The following PDZRN3 variants were observed in gnomAD, a reference collection of about 807,000 sequenced individuals.
PDZRN3 encodes PDZ domain containing ring finger 3, also known as E3 ubiquitin-protein ligase PDZRN3.
A neutral mutation model predicts 85.7 loss-of-function variants in PDZRN3; 38 were observed. That is an observed-to-expected ratio of 0.44 (90% CI 0.34 to 0.58). PDZRN3 has a LOEUF of 0.58. PDZRN3 is among the 20% of genes least tolerant of loss of function. PDZRN3 has a pLI of 0.01. For synonymous variants in PDZRN3, 759 were observed against 638.0 expected (o/e 1.19, Z -2.86); for missense variants, 1,629 against 1,506.4 (o/e 1.08, Z -1.35).
At position 73,624,832 on chromosome 3, in the gene PDZRN3, G is replaced by C. The variant is rs1306730134; in HGVS notation, c.-7C>G. 2 of 1,300,812 alleles carry C rather than the reference G, an allele frequency of 1.5e-6. No individual in the cohort carries two copies. The highest frequency in any genetic ancestry group is 6.1e-5 in the East Asian group (2 of 33,020). The allele number at this position is 1,300,812 out of a possible 1,614,324, so 80.6% of individuals were successfully genotyped here. On this transcript the variant is annotated 5_prime_UTR_variant, in exon 1 of 10. Coordinates refer to ENST00000263666, the MANE Select transcript of PDZRN3 (RefSeq NM_015009.3). The stretch of plus-strand genomic sequence containing the variant: ...GGTCCAGCTCGAAGCCCATGGTGGC[G>C]GCCAGGCCCCGGGGTCGCCGCCGGG...
At chr3:73,442,819 C>G (rs1298575314) in intron 3 of PDZRN3, among the ~76,000 whole-genome samples, 1 of 151,862 alleles carries the variant, frequency 6.6e-6, no homozygotes, top group Non-Finnish European at 1.5e-5. Context: ...GGTATGTGGT[C>G]CCCCCATGCC....
chr3:73,411,929 C>T (rs1335484369), intron 3 of PDZRN3, among the ~76,000 whole-genome samples: 3 of 152,202 alleles, frequency 2.0e-5, no homozygotes, highest in Non-Finnish European at 2.9e-5. Flanking sequence ...TATATTTACT[C>T]ATGTAATCCT....
At chr3:73,483,276 T>C (rs1331872230) in intron 3 of PDZRN3, among the ~76,000 whole-genome samples, 1 of 152,160 alleles carries the variant, frequency 6.6e-6, no homozygotes, top group African/African-American at 2.4e-5. Flanking sequence ...TGAACTTGCT[T>C]TTTCCCCATT....
At chr3:73,478,377 C>CTT (rs1703498866) in intron 3 of PDZRN3, among the ~76,000 whole-genome samples, 1 of 152,088 alleles carries the variant, frequency 6.6e-6, no homozygotes, top group Non-Finnish European at 1.5e-5. Context: ...GCAAACTCTG[C>CTT]TTAAGAGGGA....
chr3:73,443,345 T>G (rs574295630), intron 3 of PDZRN3, among the ~76,000 whole-genome samples: 1 of 152,212 alleles, frequency 6.6e-6, no homozygotes, highest in South Asian at 2.1e-4. Context: ...TTTGGAGTCA[T>G]TGGCCTGGGT....
At position 73,524,639 on chromosome 3, in the gene PDZRN3, A is replaced by AT. The variant is rs879835062; in HGVS notation, c.918+77714dup. Among the ~76,000 whole-genome samples the AT allele has an allele frequency of 8.1e-3, 1,226 of 150,876 alleles. 14 individuals are homozygous for AT. Among genetic ancestry groups the AT allele is most frequent in the Admixed American group, 8.3e-3 (125 of 15,132 alleles). On this transcript the variant is annotated intron_variant, in intron 3 of 9. Transcript: ENST00000263666. ...AGATCAACAATTTCTAATAAAAGAG[A>AT]TTTTTTTTTTCCTAGACGGGGCTAC... is the stretch of plus-strand genomic sequence containing the variant.
At chr3:73,526,764 T>C (rs1704534359) in intron 3 of PDZRN3, among the ~76,000 whole-genome samples, 1 of 152,188 alleles carries the variant, frequency 6.6e-6, no homozygotes, top group Non-Finnish European at 1.5e-5. Flanking sequence ...CTCGACTCAC[T>C]GCAACCTCCA....
rs752950507 is a variant in PDZRN3 at position 73,384,502 on chromosome 3, C to A, written c.2064G>T (p.Leu688=). The A allele has an allele frequency of 6.2e-7, 1 of 1,613,662 alleles. No homozygotes were observed. Among genetic ancestry groups the A allele is most frequent in the South Asian group, 1.1e-5 (1 of 91,082 alleles). The change falls in exon 10 of 10, where the codon CTG becomes CTT. Residue 688 remains leucine (L), a synonymous_variant. Coordinates refer to ENST00000263666, the MANE Select transcript of PDZRN3 (RefSeq NM_015009.3). ...PESVDKELEL[L]NEELRSIELE... Reference sequence around the variant, plus strand: ...GCTCGATGCTGCGCAGCTCTTCGTTCAGCAGCTCCAGCTCCTTGTCCACGC... The same window carrying A: ...GCTCGATGCTGCGCAGCTCTTCGTTAAGCAGCTCCAGCTCCTTGTCCACGC...
intron 3 of PDZRN3, among the ~76,000 whole-genome samples, chr3:73,554,944 T>C (rs1701657260): frequency 6.6e-6 from 1 of 152,192 alleles, no homozygotes; most frequent in Admixed American, 6.5e-5. Flanking sequence ...TTCCACATGA[T>C]AAGGTCTGAG....
intron 3 of PDZRN3, among the ~76,000 whole-genome samples, chr3:73,419,920 T>C (rs1474816028): frequency 6.6e-6 from 1 of 152,222 alleles, no homozygotes. Context: ...GTTAACATTT[T>C]TAATGACTTT....
intron 3 of PDZRN3, among the ~76,000 whole-genome samples, chr3:73,526,595 G>T (rs901616253): frequency 6.6e-6 from 1 of 152,216 alleles, no homozygotes; most frequent in Admixed American, 6.5e-5. Context: ...ATTCAATTAT[G>T]AACTGAGGAC....
At chr3:73,562,995 ATATATATATATATATATATTTT>A (rs1372604218) in intron 3 of PDZRN3, among the ~76,000 whole-genome samples, 16 of 29,092 alleles carry the variant, frequency 5.5e-4, no homozygotes, top group African/African-American at 1.6e-3. Context: ...ATATATATAT[ATATATATATATATATATATTTT>A]TTTTTTTTTT....
At chr3:73,566,320 A>G (rs2106842222) in intron 3 of PDZRN3, among the ~76,000 whole-genome samples, 1 of 152,324 alleles carries the variant, frequency 6.6e-6, no homozygotes, top group African/African-American at 2.4e-5. Flanking sequence ...GAATTATAAC[A>G]TTTTCTCAAA....
intron 3 of PDZRN3, chr3:73,404,611 A>C: frequency 2.0e-6 from 1 of 498,006 alleles, no homozygotes. Flanking sequence ...GCAATAATAA[A>C]TCTCACAGCG....
intron 3 of PDZRN3, chr3:73,433,643 C>A: frequency 6.5e-7 from 1 of 1,533,158 alleles, no homozygotes; most frequent in African/African-American, 1.4e-5. Flanking sequence ...TGTTACCTGA[C>A]AAACTTCATA....
At chr3:73,480,296 C>G in intron 3 of PDZRN3, among the ~76,000 whole-genome samples, 1 of 152,122 alleles carries the variant, frequency 6.6e-6, no homozygotes, top group Non-Finnish European at 1.5e-5. Context: ...GCACCTGGGG[C>G]GGGCCCTTTG....
chr3:73,498,670 C>T (rs959456027), intron 3 of PDZRN3, among the ~76,000 whole-genome samples: 2 of 151,756 alleles, frequency 1.3e-5, no homozygotes, highest in East Asian at 1.9e-4. Context: ...CTGCAACCTA[C>T]GCCTCCTGGG....
Position 73,384,934 on chromosome 3 carries a change from C to T in PDZRN3, c.1636-4G>A, listed in dbSNP as rs757420786. 1.9e-6 allele frequency: 3 copies of T among 1,590,274 alleles called. No individual in the cohort carries two copies. Among genetic ancestry groups the T allele is most frequent in the Non-Finnish European group, 2.6e-6 (3 of 1,167,636 alleles). On this transcript the variant is annotated splice_region_variant and splice_polypyrimidine_tract_variant and intron_variant, in intron 9 of 9. Coordinates refer to ENST00000263666, the MANE Select transcript of PDZRN3 (RefSeq NM_015009.3). ...CACCGTCTTCGTCGTGCTTCTTCTGCATAAACACAAGAACAAAGGGTCACA... is the reference window on the plus strand; with the variant it reads ...CACCGTCTTCGTCGTGCTTCTTCTGTATAAACACAAGAACAAAGGGTCACA...
At chr3:73,504,723 T>C (rs1704040100) in intron 3 of PDZRN3, among the ~76,000 whole-genome samples, 1 of 152,220 alleles carries the variant, frequency 6.6e-6, no homozygotes, top group African/African-American at 2.4e-5. Context: ...CACAAGCCAC[T>C]TTCCCATCTC....
Sources: allele counts gnomAD v4.1 joint callset (sites outside exome capture counted in the v4.1 genomes callset), GRCh38; gene constraint gnomAD v4.1.1; transcripts MANE v1.5; gene names NCBI Gene and HGNC (gene_info 2026-07-23, HGNC 2026-07-21).